PCDH7: variants seen among roughly 807,000 people sequenced by gnomAD.
The protein encoded by PCDH7 is protocadherin 7.
A neutral mutation model predicts 58.9 loss-of-function variants in PCDH7; 17 were observed. The observed-to-expected ratio is 0.29, with a 90% CI of 0.20 to 0.43. The LOEUF (loss-of-function observed/expected upper bound fraction) is 0.43. PCDH7 is among the 20% of genes least tolerant of loss of function. PCDH7 has a pLI of 1.00. For synonymous variants in PCDH7, 664 were observed against 616.4 expected (o/e 1.08, Z -1.14); for missense variants, 1,274 against 1,441.0 (o/e 0.88, Z 1.88).
chr4:31,038,195 G>T (rs1209449690), intron 3 of PCDH7, among the ~76,000 whole-genome samples: 1 of 152,188 alleles, frequency 6.6e-6, no homozygotes, highest in Non-Finnish European at 1.5e-5. Flanking sequence ...GTTCCGAGGA[G>T]ATTGTTTGAT....
At chr4:31,046,973 G>T (rs1295403002) in intron 3 of PCDH7, among the ~76,000 whole-genome samples, 1 of 151,914 alleles carries the variant, frequency 6.6e-6, no homozygotes, top group Admixed American at 6.6e-5. Flanking sequence ...GAGAATGAAA[G>T]GACACAGTTG....
intron 3 of PCDH7, among the ~76,000 whole-genome samples, chr4:31,028,986 G>T (rs1754672378): frequency 6.6e-6 from 1 of 152,166 alleles, no homozygotes; most frequent in South Asian, 2.1e-4. Context: ...ATTCAGCAGG[G>T]CAGAAGAAAT....
intron 3 of PCDH7, among the ~76,000 whole-genome samples, chr4:31,037,638 T>C (rs2109198146): frequency 6.6e-6 from 1 of 152,324 alleles, no homozygotes; most frequent in Middle Eastern, 3.4e-3. Flanking sequence ...ACATGGCTGA[T>C]AGTAGTTGGG....
intron 1 of PCDH7, among the ~76,000 whole-genome samples, chr4:30,743,794 A>G (rs528935873): frequency 2.0e-5 from 3 of 152,168 alleles, no homozygotes; most frequent in Admixed American, 2.0e-4. Context: ...AATCAGTCAT[A>G]ATTTATCTTT....
At chr4:30,874,541 G>C (rs28459765) in intron 1 of PCDH7, among the ~76,000 whole-genome samples, 5,825 of 150,316 alleles carry the variant, frequency 0.039, 344 homozygotes, top group African/African-American at 0.14. Flanking sequence ...GGACTGTTGT[G>C]GGGTGGGGGG....
At chr4:31,066,569 C>T (rs1255375787) in intron 3 of PCDH7, among the ~76,000 whole-genome samples, 3 of 151,918 alleles carry the variant, frequency 2.0e-5, no homozygotes, top group African/African-American at 7.2e-5. Context: ...ACCCGTCTCT[C>T]AGATGCCTTC....
intron 1 of PCDH7, among the ~76,000 whole-genome samples, chr4:30,889,025 T>TA (rs1738226769): frequency 6.7e-6 from 1 of 149,166 alleles, no homozygotes. Context: ...TACAACAAAT[T>TA]AAAAACTTAT....
intron 3 of PCDH7, among the ~76,000 whole-genome samples, chr4:31,030,608 CTG>C (rs1297206820): frequency 6.6e-6 from 1 of 152,046 alleles, no homozygotes; most frequent in Non-Finnish European, 1.5e-5. Context: ...GAAAAAAAGA[CTG>C]AAAGTTTTAG....
At chr4:30,904,270 C>A (rs926677414) in intron 1 of PCDH7, among the ~76,000 whole-genome samples, 1 of 152,136 alleles carries the variant, frequency 6.6e-6, no homozygotes, top group African/African-American at 2.4e-5. Context: ...CCTCACTAGA[C>A]TAAAATCAAG....
intron 1 of PCDH7, among the ~76,000 whole-genome samples, chr4:30,848,281 T>C (rs1433964310): frequency 1.3e-5 from 2 of 152,082 alleles, no homozygotes; most frequent in Non-Finnish European, 2.9e-5. Flanking sequence ...ATTTTAAAAT[T>C]TAAGGTACTC....
intron 1 of PCDH7, among the ~76,000 whole-genome samples, chr4:30,909,532 A>C (rs780227208): frequency 6.6e-6 from 1 of 152,232 alleles, no homozygotes; most frequent in African/African-American, 2.4e-5. Context: ...CCTATACACC[A>C]GTAATAGAAA....
In PCDH7 at chr4:30,983,514, G is replaced by T. The variant is rs532276531; in HGVS notation, c.*7+33299G>T. On this transcript the variant is annotated intron_variant, in intron 3 of 3. Coordinates refer to the PCDH7 transcript ENST00000509759. ...TAACTTACGGAATTTCAAAGAAAAA[G>T]CTATTTCAAATTCAGAAAAAGAGCA... Among the ~76,000 whole-genome samples, 7 of 152,212 alleles carry T rather than the reference G, an allele frequency of 4.6e-5. No individual in the cohort carries two copies. In the South Asian group the frequency reaches 1.2e-3, roughly 27 times the overall value.
intron 1 of PCDH7, among the ~76,000 whole-genome samples, chr4:30,828,694 T>A (rs1181898893): frequency 6.6e-6 from 1 of 152,128 alleles, no homozygotes; most frequent in East Asian, 1.9e-4. Flanking sequence ...ACGTTGACTC[T>A]TTTAAGAATT....
rs190505959 is a variant in PCDH7 at position 31,136,239 on chromosome 4, C to T, written c.*8-6234C>T. Among the ~76,000 whole-genome samples the T allele has an allele frequency of 1.8e-3, 273 of 152,320 alleles. 3 individuals are homozygous for T. Among genetic ancestry groups the T allele is most frequent in the South Asian group, 0.012 (60 of 4,832 alleles). On this transcript the variant is annotated intron_variant, in intron 3 of 3. Coordinates refer to the PCDH7 transcript ENST00000509759. ...ACCTACTATTTACTGAACACCTACA[C>T]GGCAGCCAGGACCATATTACGAGCT... is the stretch of plus-strand genomic sequence containing the variant.
chr4:31,104,743 C>G (rs572000814), intron 3 of PCDH7, among the ~76,000 whole-genome samples: 2 of 152,252 alleles, frequency 1.3e-5, no homozygotes, highest in South Asian at 4.1e-4. Flanking sequence ...CAGGCAGAGA[C>G]ACACATTAGG....
intron 2 of PCDH7, among the ~76,000 whole-genome samples, chr4:30,930,810 A>G: frequency 6.6e-6 from 1 of 152,136 alleles, no homozygotes; most frequent in East Asian, 1.9e-4. Context: ...GTGGTGGCAC[A>G]TGCCTGTAGT....
intron 3 of PCDH7, among the ~76,000 whole-genome samples, chr4:31,005,043 A>G (rs945707233): frequency 6.6e-6 from 1 of 152,230 alleles, no homozygotes; most frequent in Non-Finnish European, 1.5e-5. Flanking sequence ...AAAATTGAGC[A>G]AGTGAAATTT....
intron 2 of PCDH7, among the ~76,000 whole-genome samples, chr4:30,925,127 A>G (rs1017868705): frequency 6.6e-6 from 1 of 152,130 alleles, no homozygotes; most frequent in Admixed American, 6.5e-5. Flanking sequence ...CATTTCCTTC[A>G]TCTCTTCATT....
At chr4:30,944,273 A>C (rs1264624695) in intron 2 of PCDH7, among the ~76,000 whole-genome samples, 1 of 152,128 alleles carries the variant, frequency 6.6e-6, no homozygotes, top group Non-Finnish European at 1.5e-5. Context: ...AAAAGTGTCA[A>C]ATAATGTCAT....
Sources: gnomAD v4.1 joint callset for allele counts (sites outside exome capture counted in the v4.1 genomes callset) on GRCh38, gnomAD v4.1.1 for gene constraint, MANE v1.5 for transcripts, NCBI Gene and HGNC (gene_info 2026-07-23, HGNC 2026-07-21) for gene names.